Variants in COL17A1 observed in about 807,000 individuals in gnomAD.
COL17A1 encodes the protein collagen type XVII alpha 1 chain.
Under a neutral mutation model 218.4 loss-of-function variants are expected in COL17A1, and 181 were observed. The ratio of observed to expected loss-of-function variants is 0.83; its 90% CI spans 0.73 to 0.94. The LOEUF is 0.94. COL17A1 is among the 40% of genes least tolerant of loss of function. The probability of loss-of-function intolerance (pLI) is 0.00; values close to 1 mark genes in which losing one functional copy is unlikely to be tolerated. For missense variants in COL17A1, 1,924 were observed against 1,945.9 expected (o/e 0.99, Z 0.21); for synonymous variants, 721 against 731.0 (o/e 0.99, Z 0.22).
At chr10:104,062,728 G>A (rs2086594155) in intron 11 of COL17A1, among the ~76,000 whole-genome samples, 1 of 152,220 alleles carries the variant, frequency 6.6e-6, no homozygotes, top group African/African-American at 2.4e-5. Context: ...CACCTCGGGT[G>A]CTGAGAGGCA....
At chr10:104,058,295 C>G in intron 15 of COL17A1, 105 bp from the exon 16 acceptor site, 1 of 1,444,622 alleles carries the variant, frequency 6.9e-7, no homozygotes, top group South Asian at 1.2e-5. Context: ...AATAAACTTG[C>G]TTTCAACGAC....
chr10:104,040,448 T>G (rs2086347122), intron 39 of COL17A1, 38 bp from the exon 40 acceptor site: 1 of 1,423,962 alleles, frequency 7.0e-7, no homozygotes, highest in Non-Finnish European at 9.9e-7. Context: ...TGGACACTGA[T>G]GTTTGTGAAG....
At chr10:104,035,160 A>G (rs1423876466) in intron 50 of COL17A1, 103 bp downstream of exon 50, 1 of 993,578 alleles carries the variant, frequency 1.0e-6, no homozygotes, top group Non-Finnish European at 1.5e-6. Flanking sequence ...CCAGCACTGT[A>G]CAGGCTCCAG....
chr10:104,046,051 C>T (rs554853478), intron 32 of COL17A1, among the ~76,000 whole-genome samples: 1 of 152,334 alleles, frequency 6.6e-6, no homozygotes, highest in African/African-American at 2.4e-5. Flanking sequence ...TGGAGGGTTC[C>T]ATCCCTTGGG....
intron 5 of COL17A1, 72 bp from the exon 6 acceptor site, chr10:104,074,303 G>A (rs2086691588): frequency 5.6e-6 from 9 of 1,607,638 alleles, no homozygotes; most frequent in Non-Finnish European, 7.7e-6. Flanking sequence ...GGGAGGTAGT[G>A]CCTGTTACTT....
At chr10:104,072,247 A>C (rs1420803707) in intron 7 of COL17A1, among the ~76,000 whole-genome samples, 168 bp from the exon 8 acceptor site, 1 of 151,580 alleles carries the variant, frequency 6.6e-6, no homozygotes, top group Non-Finnish European at 1.5e-5. Context: ...AAAAAGGGAG[A>C]CCTCCCTACC....
chr10:104,071,171 G>A (rs957161862), intron 8 of COL17A1, among the ~76,000 whole-genome samples: 3 of 151,580 alleles, frequency 2.0e-5, no homozygotes, highest in Non-Finnish European at 4.4e-5. Flanking sequence ...CACCATGCAT[G>A]GGGAGTGCAT....
Position 104,060,169 on chromosome 10 carries a change from G to A in COL17A1, c.1091C>T (p.Thr364Ile), listed in dbSNP as rs770146556. 1.5e-5 allele frequency: 25 copies of A among 1,614,008 alleles called. No individual in the cohort carries two copies. The highest frequency in any genetic ancestry group is 2.1e-5 in the Non-Finnish European group (25 of 1,180,022). Residue 364 changes from threonine (T) to isoleucine (I), a missense_variant, in exon 14 of 56, where the codon ACC becomes ATC. By Grantham distance (89) the Thr-to-Ile change is moderately conservative. Transcript: ENST00000648076. ...AKKEMELLIM[T>I]KDSGKVFTAS... Reference sequence around the variant, plus strand: ...TGTAAAGACCTTCCCGCTGTCCTTGGTCATGATGAGCAGCTCCATCTCCTT... The same window carrying A: ...TGTAAAGACCTTCCCGCTGTCCTTGATCATGATGAGCAGCTCCATCTCCTT...
At chr10:104,041,585 G>A in intron 36 of COL17A1, 47 bp from the exon 37 acceptor site, 2 of 1,528,770 alleles carry the variant, frequency 1.3e-6, no homozygotes, top group East Asian at 2.3e-5. Flanking sequence ...TCACGAGGCT[G>A]CTCTCTGCCA....
intron 17 of COL17A1, 47 bp downstream of exon 17, chr10:104,056,928 G>C (rs778833498): frequency 6.4e-7 from 1 of 1,550,728 alleles, no homozygotes; most frequent in Non-Finnish European, 8.7e-7. Context: ...CAGTGGGGCT[G>C]GCCTGCCTCC....
In COL17A1 at chr10:104,059,658, C is replaced by T. The variant is rs776859234; in HGVS notation, c.1202G>A (p.Gly401Asp). ...CTTACCATTAGCTTCGGCTTTTAGG[C>T]CTGAGTCAGCATTGTAGGCAGCTTG... is the stretch of plus-strand genomic sequence containing the variant. ...EKQAAYNADS[G>D]LKAEANGDLK... Residue 401 changes from glycine (G) to aspartate (D), a missense_variant, in exon 15 of 56, where the codon GGC becomes GAC. By Grantham distance (94) the Gly-to-Asp change is moderately conservative. Transcript: ENST00000648076. 3 of 1,614,200 alleles carry T rather than the reference C, an allele frequency of 1.9e-6. No individual in the cohort carries two copies. In the South Asian group the frequency reaches 3.3e-5, roughly 18 times the overall value.
At position 104,065,072 on chromosome 10, in the gene COL17A1, TG is replaced by T. The variant is rs565450577; in HGVS notation, c.608-477del. On this transcript the variant is annotated intron_variant, in intron 9 of 55. Transcript: ENST00000648076. ...TGCCTGGGCAGGGGAGTCCTTGGTC[TG>T]GGGCCACACTGCATGCCTGGCAGCC... 6.4e-3 allele frequency among the ~76,000 whole-genome samples: 979 copies of T among 152,324 alleles called. 4 individuals carry two copies. Among genetic ancestry groups the T allele is most frequent in the Middle Eastern group, 0.017 (5 of 294 alleles).
chr10:104,074,113 C>T, intron 6 of COL17A1, 71 bp downstream of exon 6: 1 of 1,612,068 alleles, frequency 6.2e-7, no homozygotes, highest in Non-Finnish European at 8.5e-7. Context: ...ACTCCCACCA[C>T]TTCATCTCCC....
chr10:104,056,952 GC>G, intron 17 of COL17A1, 22 bp downstream of exon 17: 1 of 1,555,950 alleles, frequency 6.4e-7, no homozygotes, highest in Non-Finnish European at 8.7e-7. Flanking sequence ...CACACAGGCT[GC>G]CCTGCTGCCT....
rs538915252 is a variant in COL17A1 at position 104,035,392 on chromosome 10, G to A, written c.3509-19C>T. 11 of 1,613,270 alleles carry A rather than the reference G, an allele frequency of 6.8e-6. No individual in the cohort carries two copies. The highest frequency in any genetic ancestry group is 2.2e-5 in the East Asian group (1 of 44,878). On this transcript the variant is annotated intron_variant, in intron 49 of 55. Coordinates refer to ENST00000648076, the MANE Select transcript of COL17A1 (RefSeq NM_000494.4). ...TCAGACCCTGAGACACCAAGGGAGG[G>A]CACGGAGTCAGTCCTGGCCTGGGCC...
rs776183212 is a variant in COL17A1, at chr10:104,077,522, G to A, written c.102C>T (p.Gly34=). The A allele has an allele frequency of 1.8e-5, 29 of 1,609,814 alleles. No individual in the cohort carries two copies. The highest frequency in any genetic ancestry group is 8.4e-5 in the Admixed American group (5 of 59,626). Residue 34 remains glycine, a synonymous_variant, in exon 4 of 56, where the codon GGC becomes GGT. Coordinates refer to ENST00000648076, the MANE Select transcript of COL17A1 (RefSeq NM_000494.4). The part of the protein sequence containing the change: ...TTRLTSLPPK[G]GTSNGYAKTA... ...TTTTAGCATAGCCATTGCTGGTCCC[G>A]CCTTCTGCCAGGAACAAAAGCAGGT...
intron 9 of COL17A1, 61 bp downstream of exon 9, chr10:104,070,365 T>C (rs2134645127): frequency 6.2e-7 from 1 of 1,608,788 alleles, no homozygotes; most frequent in Non-Finnish European, 8.5e-7. Flanking sequence ...GTCCACTCTT[T>C]GGGTTTGGAT....
chr10:104,056,961 C>T lies in COL17A1; in HGVS notation c.1465+14G>A. The T allele has an allele frequency of 6.4e-7, 1 of 1,560,750 alleles. No homozygotes were observed. The highest frequency in any genetic ancestry group is 8.7e-7 in the Non-Finnish European group (1 of 1,153,214). On this transcript the variant is annotated intron_variant, in intron 17 of 55. Transcript: ENST00000648076. Reference sequence around the variant, plus strand: ...TCCTACCACACAGGCTGCCCTGCTGCCTTTGCCACGTACCCAGAGCAATGA... The same window carrying T: ...TCCTACCACACAGGCTGCCCTGCTGTCTTTGCCACGTACCCAGAGCAATGA...
chr10:104,055,716 T>C (rs1375418392), intron 18 of COL17A1, 66 bp downstream of exon 18: 4 of 1,597,002 alleles, frequency 2.5e-6, no homozygotes, highest in Non-Finnish European at 3.4e-6. Context: ...CATGCACACA[T>C]ACCACATAGA....
Sources: gnomAD v4.1 joint callset for allele counts (sites outside exome capture counted in the v4.1 genomes callset) on GRCh38, gnomAD v4.1.1 for gene constraint, MANE v1.5 for transcripts, NCBI Gene and HGNC (gene_info 2026-07-23, HGNC 2026-07-21) for gene names.